Variants in GABRA3 observed in about 807,000 individuals in gnomAD.
GABRA3 encodes the protein gamma-aminobutyric acid receptor subunit alpha-3.
A neutral mutation model predicts 30.1 loss-of-function variants in GABRA3; 10 were observed. That is an observed-to-expected ratio of 0.33 (90% CI 0.20 to 0.56). GABRA3 has a LOEUF of 0.56. Ranked by LOEUF, GABRA3 falls within the 20% of genes least tolerant of loss-of-function variation. The probability of loss-of-function intolerance (pLI) is 0.89; values close to 1 mark genes in which losing one functional copy is unlikely to be tolerated. For missense variants in GABRA3, 233 were observed against 392.0 expected (o/e 0.59, Z 3.42); for synonymous variants, 151 against 146.8 (o/e 1.03, Z -0.21).
chrX:152,269,696 C>T (rs999429120), intron 4 of GABRA3, among the ~76,000 whole-genome samples: 1 of 111,883 alleles, frequency 8.9e-6, no homozygotes, highest in Non-Finnish European at 1.9e-5. Context: ...CACACATTTA[C>T]AGAAAATTCC....
At chrX:152,437,824 T>C (rs764100434) in intron 1 of GABRA3, among the ~76,000 whole-genome samples, 26 of 112,075 alleles carry the variant, frequency 2.3e-4, no homozygotes, top group Admixed American at 1.0e-3. Context: ...AGAAAAAAGA[T>C]GAATCTTGAC....
At chrX:152,198,841 C>A (rs772336365) in intron 7 of GABRA3, among the ~76,000 whole-genome samples, 1 of 112,214 alleles carries the variant, frequency 8.9e-6, no homozygotes, top group Non-Finnish European at 1.9e-5. Flanking sequence ...CCTGGGCTTC[C>A]TACTTGTTAT....
intron 4 of GABRA3, among the ~76,000 whole-genome samples, chrX:152,273,601 T>C (rs756019192): frequency 8.9e-6 from 1 of 112,559 alleles, no homozygotes; most frequent in South Asian, 3.7e-4. Context: ...GAAATACTAT[T>C]CAGCCTTAAG....
intron 1 of GABRA3, among the ~76,000 whole-genome samples, chrX:152,427,859 A>G (rs367695388): frequency 8.9e-6 from 1 of 112,092 alleles, no homozygotes; most frequent in Non-Finnish European, 1.9e-5. Flanking sequence ...GCAGAGATCA[A>G]TAACACAAGA....
chrX:152,413,602 C>T (rs1930129843), intron 1 of GABRA3, among the ~76,000 whole-genome samples: 1 of 111,251 alleles, frequency 9.0e-6, no homozygotes, highest in Non-Finnish European at 1.9e-5. Context: ...AGTACCTATA[C>T]ATGATTTATA....
chrX:152,424,582 T>C (rs954411921), intron 1 of GABRA3, among the ~76,000 whole-genome samples: 1 of 111,368 alleles, frequency 9.0e-6, no homozygotes, highest in African/African-American at 3.3e-5. Flanking sequence ...TTAAAAATAA[T>C]GAAAATTATT....
At chrX:152,256,532 C>G (rs1938640126) in intron 4 of GABRA3, among the ~76,000 whole-genome samples, 1 of 111,139 alleles carries the variant, frequency 9.0e-6, no homozygotes, top group Admixed American at 9.6e-5. Context: ...AAAAACATAC[C>G]TTATAGACAA....
At chrX:152,200,338 A>G (rs1937466281) in intron 7 of GABRA3, among the ~76,000 whole-genome samples, 2 of 112,119 alleles carry the variant, frequency 1.8e-5, no homozygotes, top group Admixed American at 9.5e-5. Flanking sequence ...AGGAAGCACC[A>G]TCTGGTCATC....
intron 5 of GABRA3, among the ~76,000 whole-genome samples, chrX:152,226,133 T>C (rs1187655833): frequency 8.9e-6 from 1 of 111,882 alleles, no homozygotes. Flanking sequence ...GGTGTCTCCA[T>C]TTCTCACTCT....
chrX:152,234,215 AT>A (rs1319460873), intron 5 of GABRA3, among the ~76,000 whole-genome samples: 1 of 110,983 alleles, frequency 9.0e-6, no homozygotes, highest in East Asian at 2.8e-4. Context: ...AAATTAAAAA[AT>A]AAAAATGTTT....
At chrX:152,444,398 A>G (rs1390888415) in intron 1 of GABRA3, among the ~76,000 whole-genome samples, 2 of 112,050 alleles carry the variant, frequency 1.8e-5, no homozygotes, top group African/African-American at 6.5e-5. Flanking sequence ...AGGAAGGGGA[A>G]CAGCAATTAC....
chrX:152,189,719 C>T lies in GABRA3; in HGVS notation c.1143+11G>A, dbSNP rs200906942. The T allele has an allele frequency of 4.2e-6, 5 of 1,179,121 alleles. No homozygotes were observed. The East Asian group carries it at 1.5e-4, about 35-fold the overall frequency. On this transcript the variant is annotated intron_variant, in intron 9 of 9. Coordinates refer to ENST00000370314, the MANE Select transcript of GABRA3 (RefSeq NM_000808.4). ...GGGGTGCTTCTCAGTTTCTCTTTTGCTATATCTCACCTTCATCTCCAGGGC... is the reference window on the plus strand; with the variant it reads ...GGGGTGCTTCTCAGTTTCTCTTTTGTTATATCTCACCTTCATCTCCAGGGC...
intron 5 of GABRA3, among the ~76,000 whole-genome samples, chrX:152,236,976 T>C (rs12389216): frequency 0.23 from 24,120 of 103,879 alleles, 3,192 homozygotes; most frequent in African/African-American, 0.38. Context: ...GTTTCTTTAG[T>C]TGTGCAGAAG....
intron 1 of GABRA3, among the ~76,000 whole-genome samples, chrX:152,365,212 T>C (rs1928623633): frequency 8.9e-6 from 1 of 111,747 alleles, no homozygotes; most frequent in African/African-American, 3.2e-5. Flanking sequence ...GGATAGACTG[T>C]TTCCTCTAAA....
At chrX:152,229,448 T>C (rs748285658) in intron 5 of GABRA3, among the ~76,000 whole-genome samples, 98 of 110,604 alleles carry the variant, frequency 8.9e-4, no homozygotes, top group African/African-American at 3.1e-3. Flanking sequence ...TTGGAAGGGG[T>C]TGCAACTTTT....
chrX:152,338,941 T>A (rs1287664490), intron 3 of GABRA3, among the ~76,000 whole-genome samples: 1 of 111,887 alleles, frequency 8.9e-6, no homozygotes, highest in African/African-American at 3.3e-5. Flanking sequence ...AGTTTCACAG[T>A]TGATTTTGAA....
chrX:152,371,152 A>T (rs1928827851), intron 1 of GABRA3, among the ~76,000 whole-genome samples: 1 of 110,536 alleles, frequency 9.0e-6, no homozygotes, highest in Non-Finnish European at 1.9e-5. Flanking sequence ...CTCTCTTTAA[A>T]TTTTCTTCAA....
At chrX:152,404,737 TA>T (rs754939403) in intron 1 of GABRA3, among the ~76,000 whole-genome samples, 13 of 2,673 alleles carry the variant, frequency 4.9e-3, no homozygotes, top group Admixed American at 7.5e-3. Flanking sequence ...AGTCATTTAT[TA>T]TTATTATTAT....
At chrX:152,439,141 T>G (rs981000154) in intron 1 of GABRA3, among the ~76,000 whole-genome samples, 79 of 109,977 alleles carry the variant, frequency 7.2e-4, no homozygotes, top group African/African-American at 2.3e-3. Context: ...TTATTATTAT[T>G]TTTTGAGATG....
Sources: gnomAD v4.1 joint callset for allele counts (sites outside exome capture counted in the v4.1 genomes callset) on GRCh38, gnomAD v4.1.1 for gene constraint, MANE v1.5 for transcripts, NCBI Gene and HGNC (gene_info 2026-07-23, HGNC 2026-07-21) for gene names.